ANO3: variants seen among roughly 807,000 people sequenced by gnomAD.
ANO3 encodes the protein anoctamin-3.
Under a neutral mutation model 144.8 loss-of-function variants are expected in ANO3, and 99 were observed. The ratio of observed to expected loss-of-function variants is 0.68; its 90% CI spans 0.58 to 0.81. ANO3 has a LOEUF of 0.81. Ranked by LOEUF, ANO3 falls within the 30% of genes least tolerant of loss-of-function variation. The pLI is 0.00. For missense variants in ANO3, 905 were observed against 1,202.2 expected, an observed-to-expected ratio of 0.75 and a Z score of 3.66; for synonymous variants, 414 against 392.6, an observed-to-expected ratio of 1.05 and a Z score of -0.64.
At chr11:26,291,772 A>T (rs1038061846) in intron 1 of ANO3, among the ~76,000 whole-genome samples, 2 of 152,144 alleles carry the variant, frequency 1.3e-5, no homozygotes, top group African/African-American at 4.8e-5. Flanking sequence ...TTCTGCTGAG[A>T]GATCTGCTGT....
In ANO3 at chr11:26,598,361, A is replaced by G. The variant is rs1191843499; in HGVS notation, c.1448-4A>G. ...TAAAGAATTATCATTTTTATATTTTATAGCCACAGTCTTCCTGGAGTTTTG... is the reference window on the plus strand; with the variant it reads ...TAAAGAATTATCATTTTTATATTTTGTAGCCACAGTCTTCCTGGAGTTTTG... On this transcript the variant is annotated splice_region_variant and splice_polypyrimidine_tract_variant and intron_variant, in intron 14 of 26. Coordinates refer to ENST00000256737, the MANE Select transcript of ANO3 (RefSeq NM_031418.4). 1 of 1,502,236 alleles carries G rather than the reference A, an allele frequency of 6.7e-7. No individual in the cohort carries two copies. The highest frequency in any genetic ancestry group is 1.4e-5 in the African/African-American group (1 of 70,466). 93.1% of individuals were successfully genotyped at this position (1,502,236 alleles called of 1,614,324 possible). A position where few individuals can be genotyped will look rare whatever the true frequency, so the allele number is the denominator to read the frequency against.
At chr11:26,432,870 C>T (rs1042784595) in intron 1 of ANO3, among the ~76,000 whole-genome samples, 3 of 151,992 alleles carry the variant, frequency 2.0e-5, no homozygotes, top group Admixed American at 1.3e-4. Context: ...CTTAGGATTG[C>T]CTTGGCTATT....
At chr11:26,602,749 T>C (rs1275508113) in intron 17 of ANO3, among the ~76,000 whole-genome samples, 2 of 47,042 alleles carry the variant, frequency 4.3e-5, no homozygotes, top group Non-Finnish European at 1.2e-4. Context: ...AGACCAAGTC[T>C]CAAAAAAAAA....
chr11:26,507,513 CAACTT>C (rs1861481795), intron 4 of ANO3, among the ~76,000 whole-genome samples: 1 of 152,130 alleles, frequency 6.6e-6, no homozygotes, highest in African/African-American at 2.4e-5. Flanking sequence ...CCAGAGCAAA[CAACTT>C]AGGGATTATT....
At chr11:26,656,926 G>T (rs905076748) in intron 26 of ANO3, among the ~76,000 whole-genome samples, 1 of 152,102 alleles carries the variant, frequency 6.6e-6, no homozygotes. Flanking sequence ...AATAAATTGT[G>T]CTTGAGAACA....
intron 1 of ANO3, among the ~76,000 whole-genome samples, chr11:26,260,125 C>A (rs1026124432): frequency 1.3e-5 from 2 of 150,242 alleles, no homozygotes; most frequent in African/African-American, 4.9e-5. Context: ...GGCCAAGATA[C>A]CCCACACAAA....
At chr11:26,524,854 G>A (rs1849122942) in intron 6 of ANO3, among the ~76,000 whole-genome samples, 1 of 152,134 alleles carries the variant, frequency 6.6e-6, no homozygotes, top group Non-Finnish European at 1.5e-5. Flanking sequence ...CTATTACCAA[G>A]TTGGTTGCAG....
chr11:26,251,713 T>C (rs1050462329), intron 1 of ANO3, among the ~76,000 whole-genome samples: 4 of 152,068 alleles, frequency 2.6e-5, no homozygotes, highest in Non-Finnish European at 5.9e-5. Context: ...CTCAGGAAAC[T>C]TACAATAATG....
chr11:26,299,266 G>A (rs925961037), intron 1 of ANO3, among the ~76,000 whole-genome samples: 13 of 152,184 alleles, frequency 8.5e-5, no homozygotes, highest in Non-Finnish European at 1.8e-4. Context: ...TATCAAGGAG[G>A]AAAGTGTGAT....
intron 24 of ANO3, among the ~76,000 whole-genome samples, chr11:26,649,930 C>A (rs1230212740): frequency 6.6e-6 from 1 of 152,084 alleles, no homozygotes; most frequent in African/African-American, 2.4e-5. Context: ...TGTTAGGGAG[C>A]CCTCTTCCAT....
intron 1 of ANO3, among the ~76,000 whole-genome samples, chr11:26,203,526 G>A (rs1851737807): frequency 6.6e-6 from 1 of 152,150 alleles, no homozygotes; most frequent in Non-Finnish European, 1.5e-5. Context: ...CTATGAAAAT[G>A]TGACAAGGCA....
At chr11:26,267,450 G>T (rs112238782) in intron 1 of ANO3, among the ~76,000 whole-genome samples, 4,117 of 152,066 alleles carry the variant, frequency 0.027, 92 homozygotes, top group African/African-American at 0.067. Flanking sequence ...ATTTTTATAT[G>T]GATAATAAGG....
chr11:26,470,305 G>A (rs1239394054), intron 4 of ANO3, among the ~76,000 whole-genome samples: 1 of 151,556 alleles, frequency 6.6e-6, no homozygotes, highest in Non-Finnish European at 1.5e-5. Context: ...CCAACTACTC[G>A]GGAGACTGAG....
intron 1 of ANO3, among the ~76,000 whole-genome samples, chr11:26,371,774 C>T (rs1189486452): frequency 1.3e-5 from 2 of 152,156 alleles, no homozygotes; most frequent in African/African-American, 4.8e-5. Flanking sequence ...AGGCCTATGG[C>T]CTTTTTGTTT....
At chr11:26,539,165 CACACACACAA>C (rs1203709288) in intron 10 of ANO3, among the ~76,000 whole-genome samples, 20 of 94,296 alleles carry the variant, frequency 2.1e-4, no homozygotes, top group African/African-American at 6.3e-4. Flanking sequence ...CACACACACA[CACACACACAA>C]GAGTTTGTCC....
chr11:26,380,518 G>A (rs1043666875), intron 1 of ANO3, among the ~76,000 whole-genome samples: 3 of 152,178 alleles, frequency 2.0e-5, no homozygotes, highest in Admixed American at 6.5e-5. Flanking sequence ...CCTCAGAGAT[G>A]ATGCCTTCTT....
chr11:26,383,157 A>C (rs533740568), intron 1 of ANO3, among the ~76,000 whole-genome samples: 4 of 152,266 alleles, frequency 2.6e-5, no homozygotes, highest in African/African-American at 9.6e-5. Context: ...ATGAGGTAGG[A>C]ATTTTTAAAA....
At chr11:26,439,223 A>C (rs72886266) in intron 1 of ANO3, among the ~76,000 whole-genome samples, 26,999 of 152,206 alleles carry the variant, frequency 0.18, 2,624 homozygotes, top group South Asian at 0.3. Flanking sequence ...AAACTCTTAG[A>C]AGAAAACATA....
intron 14 of ANO3, among the ~76,000 whole-genome samples, chr11:26,568,699 A>C (rs1850697863): frequency 6.6e-6 from 1 of 152,092 alleles, no homozygotes; most frequent in Non-Finnish European, 1.5e-5. Flanking sequence ...TTTACAAAGC[A>C]TGAATGATTA....
Sources: allele counts gnomAD v4.1 joint callset (sites outside exome capture counted in the v4.1 genomes callset), GRCh38; gene constraint gnomAD v4.1.1; transcripts MANE v1.5; gene names NCBI Gene and HGNC (gene_info 2026-07-23, HGNC 2026-07-21).